The following MYO3A variants were observed in gnomAD, a reference collection of about 807,000 sequenced individuals.
The protein encoded by MYO3A is myosin-IIIa.
In MYO3A, 180 loss-of-function variants were observed where a neutral mutation model predicts 192.7. That is an observed-to-expected ratio of 0.93 (90% CI 0.83 to 1.06). The LOEUF is 1.06. MYO3A is among the 50% of genes least tolerant of loss of function. The pLI is 0.00. For missense variants in MYO3A, 1,896 were observed against 1,905.0 expected (o/e 1.00, Z 0.09); for synonymous variants, 628 against 645.3 (o/e 0.97, Z 0.41).
chr10:26,133,163 A>G (rs1482727190), intron 20 of MYO3A, among the ~76,000 whole-genome samples: 1 of 152,222 alleles, frequency 6.6e-6, no homozygotes, highest in Admixed American at 6.5e-5. Flanking sequence ...ATGTGTGCAA[A>G]TGGTAACATT....
At chr10:26,102,234 G>T (rs781334672) in intron 17 of MYO3A, among the ~76,000 whole-genome samples, 2 of 152,144 alleles carry the variant, frequency 1.3e-5, no homozygotes, top group Non-Finnish European at 2.9e-5. Context: ...TCGTGCCATG[G>T]TTTTCAGCTC....
At chr10:25,980,867 T>C (rs1839289904) in intron 4 of MYO3A, among the ~76,000 whole-genome samples, 1 of 152,198 alleles carries the variant, frequency 6.6e-6, no homozygotes, top group Non-Finnish European at 1.5e-5. Context: ...CCAAAATCCA[T>C]AGTTTACATT....
At chr10:26,203,338 A>AT (rs1420343963) in intron 34 of MYO3A, among the ~76,000 whole-genome samples, 1 of 152,140 alleles carries the variant, frequency 6.6e-6, no homozygotes, top group East Asian at 1.9e-4. Context: ...TCTTGGAGTA[A>AT]TTATTAACAA....
At chr10:25,977,089 G>A (rs1839007202) in intron 4 of MYO3A, among the ~76,000 whole-genome samples, 1 of 152,064 alleles carries the variant, frequency 6.6e-6, no homozygotes, top group Non-Finnish European at 1.5e-5. Flanking sequence ...GACCATATTT[G>A]AAATTTCACT....
intron 17 of MYO3A, among the ~76,000 whole-genome samples, chr10:26,117,963 T>G (rs567093251): frequency 2.0e-5 from 3 of 152,344 alleles, no homozygotes; most frequent in Non-Finnish European, 4.4e-5. Flanking sequence ...CCACCAACAG[T>G]GTAGGAGCGT....
At chr10:25,939,622 A>G (rs985483730) in intron 2 of MYO3A, among the ~76,000 whole-genome samples, 2 of 151,926 alleles carry the variant, frequency 1.3e-5, no homozygotes, top group African/African-American at 4.8e-5. Context: ...TTTTTTAACA[A>G]TGTAGCTTGC....
chr10:26,185,176 G>A (rs1842802513), intron 31 of MYO3A, among the ~76,000 whole-genome samples: 1 of 152,116 alleles, frequency 6.6e-6, no homozygotes, highest in Non-Finnish European at 1.5e-5. Flanking sequence ...TTATCCTGGT[G>A]AAGAAACAAT....
chr10:26,091,410 A>G (rs1407793928), intron 15 of MYO3A, among the ~76,000 whole-genome samples: 3 of 152,216 alleles, frequency 2.0e-5, no homozygotes, highest in African/African-American at 7.2e-5. Context: ...AGGCTACTTA[A>G]TTTCAAGAAT....
chr10:26,172,830 C>G (rs12357292), intron 29 of MYO3A, among the ~76,000 whole-genome samples: 2,941 of 152,190 alleles, frequency 0.019, 47 homozygotes, highest in Non-Finnish European at 0.029. Flanking sequence ...ATCCCGGTAG[C>G]TTTTTCCAGA....
intron 10 of MYO3A, among the ~76,000 whole-genome samples, chr10:26,035,710 AT>A (rs1177002652): frequency 6.6e-6 from 1 of 152,074 alleles, no homozygotes; most frequent in African/African-American, 2.4e-5. Flanking sequence ...AAGTATAATG[AT>A]TTTTCAGACT....
intron 6 of MYO3A, among the ~76,000 whole-genome samples, chr10:26,007,473 C>G (rs537914254): frequency 6.6e-6 from 1 of 151,336 alleles, no homozygotes; most frequent in Admixed American, 6.6e-5. Flanking sequence ...GATTGTATAT[C>G]TAGAAAACCC....
intron 4 of MYO3A, among the ~76,000 whole-genome samples, chr10:25,966,201 A>G (rs938110016): frequency 2.6e-5 from 4 of 152,184 alleles, no homozygotes; most frequent in African/African-American, 7.2e-5. Context: ...TTGAAGAGGT[A>G]TCTTCCATAG....
intron 10 of MYO3A, among the ~76,000 whole-genome samples, chr10:26,029,236 A>G (rs893308350): frequency 2.0e-5 from 3 of 152,148 alleles, no homozygotes; most frequent in African/African-American, 4.8e-5. Flanking sequence ...CTGAGACACA[A>G]GATGTAGTCT....
intron 10 of MYO3A, among the ~76,000 whole-genome samples, chr10:26,032,905 T>C (rs1187168635): frequency 1.3e-5 from 2 of 152,184 alleles, no homozygotes; most frequent in East Asian, 1.9e-4. Context: ...TTGGAACATA[T>C]ACGCTTTTCC....
intron 4 of MYO3A, among the ~76,000 whole-genome samples, chr10:25,991,916 C>A (rs1166546184): frequency 6.6e-6 from 1 of 152,072 alleles, no homozygotes; most frequent in African/African-American, 2.4e-5. Context: ...GGTTGCTGTA[C>A]CCTTGTAGTA....
rs1040731552 is a variant in MYO3A, at chr10:26,020,592, T to C, written c.586-911T>C. On this transcript the variant is annotated intron_variant, in intron 7 of 34. Coordinates refer to ENST00000642920, the MANE Select transcript of MYO3A (RefSeq NM_017433.5). ...TACATCTGCCATCATTCTAAAAATATCTTTTATTTTTTCTTGTGGGTTGGC... is the reference window on the plus strand; with the variant it reads ...TACATCTGCCATCATTCTAAAAATACCTTTTATTTTTTCTTGTGGGTTGGC... Among the ~76,000 whole-genome samples, 6 of 151,100 alleles carry C rather than the reference T, an allele frequency of 4.0e-5. 1 individual carries two copies. Among genetic ancestry groups the C allele is most frequent in the Non-Finnish European group, 5.9e-5 (4 of 67,362 alleles).
rs187378614 is a variant in MYO3A, at chr10:26,093,257, A to T, written c.1563-3124A>T. On this transcript the variant is annotated intron_variant, in intron 15 of 34. Transcript: ENST00000642920. ...TAATGTTAACAATCACATTGTTAGC[A>T]CTTAACTGATACAATGTACATGAGT... Among the ~76,000 whole-genome samples, 31 of 152,336 alleles carry T rather than the reference A, an allele frequency of 2.0e-4. 1 individual carries two copies. The highest frequency in any genetic ancestry group is 7.2e-4 in the African/African-American group (30 of 41,582).
intron 32 of MYO3A, among the ~76,000 whole-genome samples, chr10:26,193,913 C>T (rs1319815490): frequency 6.6e-6 from 1 of 152,190 alleles, no homozygotes; most frequent in Non-Finnish European, 1.5e-5. Flanking sequence ...CATGAGGACT[C>T]ATTGGCGTTG....
chr10:26,035,615 G>C (rs1204176300), intron 10 of MYO3A, among the ~76,000 whole-genome samples: 2 of 152,132 alleles, frequency 1.3e-5, no homozygotes, highest in Admixed American at 6.5e-5. Flanking sequence ...TTTGAATGTG[G>C]ATCCTTATTT....
Sources: gnomAD v4.1 joint callset for allele counts (sites outside exome capture counted in the v4.1 genomes callset) on GRCh38, gnomAD v4.1.1 for gene constraint, MANE v1.5 for transcripts, NCBI Gene and HGNC (gene_info 2026-07-23, HGNC 2026-07-21) for gene names.